TUBGCP3: variants seen among roughly 807,000 people sequenced by gnomAD.
TUBGCP3 encodes the protein gamma-tubulin complex component 3.
TUBGCP3 carries 50 observed loss-of-function variants against 123.1 expected under a neutral mutation model. The ratio of observed to expected loss-of-function variants is 0.41; its 90% confidence interval spans 0.32 to 0.51. TUBGCP3 has a LOEUF of 0.51. TUBGCP3 is among the 20% of genes least tolerant of loss of function. The pLI, the probability that TUBGCP3 is intolerant of heterozygous loss-of-function variation, is 0.36. For synonymous variants in TUBGCP3, 405 were observed against 413.9 expected (o/e 0.98, Z 0.26); for missense variants, 882 against 1,127.0 (o/e 0.78, Z 3.11).
Position 112,499,090 on chromosome 13 carries a change from C to G in TUBGCP3, c.2403G>C (p.Gln801His). ...AIYRAALEEL[Q>H]RRLQFEEKKK... ...TTTTCTCTTCAAACTGTAATCGTCT[C>G]TGCAATTCTTCCAGAGCAGCTCTGT... Residue 801 changes from glutamine to histidine, a missense_variant, in exon 20 of 22, where the codon CAG becomes CAC. Coordinates refer to ENST00000261965, the MANE Select transcript of TUBGCP3 (RefSeq NM_006322.6). 1 of 1,614,158 alleles carries G rather than the reference C, an allele frequency of 6.2e-7. No individual in the cohort carries two copies. Among genetic ancestry groups the G allele is most frequent in the Non-Finnish European group, 8.5e-7 (1 of 1,180,038 alleles).
At chr13:112,560,784 C>T (rs1428670068) in intron 3 of TUBGCP3, among the ~76,000 whole-genome samples, 2 of 152,190 alleles carry the variant, frequency 1.3e-5, no homozygotes, top group Non-Finnish European at 1.5e-5. Context: ...TTTTCAGAAA[C>T]TCAACTAATC....
rs759509703 is a variant in TUBGCP3, at chr13:112,587,996, T to G, written c.-16A>C. The G allele has an allele frequency of 6.6e-7, 1 of 1,526,202 alleles. No homozygotes were observed. The highest frequency in any genetic ancestry group is 2.0e-5 in the Admixed American group (1 of 50,500). 94.5% of individuals were successfully genotyped at this position (1,526,202 alleles called of 1,614,324 possible). A position where few individuals can be genotyped will look rare whatever the true frequency, so the allele number is the denominator to read the frequency against. On this transcript the variant is annotated 5_prime_UTR_variant, in exon 1 of 22. Coordinates refer to ENST00000261965, the MANE Select transcript of TUBGCP3 (RefSeq NM_006322.6). ...GGGTCGCCATCCTCGCCCGGAGCCG[T>G]GCACGGTGGTCCGGGCAGAGCCGCC...
chr13:112,506,367 A>C (rs1468187128), intron 17 of TUBGCP3, among the ~76,000 whole-genome samples: 1 of 152,224 alleles, frequency 6.6e-6, no homozygotes, highest in Non-Finnish European at 1.5e-5. Context: ...GATGTATCAG[A>C]GGCATATCTA....
chr13:112,603,962 T>C, the TUBGCP3 span: 1 of 152,246 alleles, frequency 6.6e-6, no homozygotes, highest in Non-Finnish European at 1.5e-5. Flanking sequence ...TTAACTCTCC[T>C]ATTCTAGAAG....
At chr13:112,495,516 A>G (rs1031256141) in intron 20 of TUBGCP3, among the ~76,000 whole-genome samples, 3 of 152,248 alleles carry the variant, frequency 2.0e-5, no homozygotes, top group Admixed American at 2.0e-4. Context: ...AGATGATCAT[A>G]TAATTTTTCC....
At chr13:112,547,577 T>G in intron 10 of TUBGCP3, 43 bp downstream of exon 10, 1 of 1,006,966 alleles carries the variant, frequency 9.9e-7, no homozygotes, top group Non-Finnish European at 1.3e-6. Context: ...CGTGGGAAAG[T>G]CGCGCGTGGG....
chr13:112,535,474 GT>G (rs995167605), intron 11 of TUBGCP3, among the ~76,000 whole-genome samples: 1 of 152,102 alleles, frequency 6.6e-6, no homozygotes, highest in African/African-American at 2.4e-5. Flanking sequence ...CTGCTGGTTT[GT>G]TTTTGTTAAC....
intron 1 of TUBGCP3, among the ~76,000 whole-genome samples, chr13:112,581,155 C>A (rs1407124720): frequency 6.6e-6 from 1 of 152,112 alleles, no homozygotes; most frequent in Non-Finnish European, 1.5e-5. Context: ...AGCTCGGCAC[C>A]CAGCTCTCTC....
intron 20 of TUBGCP3, among the ~76,000 whole-genome samples, chr13:112,495,402 C>T (rs1880469999): frequency 6.6e-6 from 1 of 152,174 alleles, no homozygotes; most frequent in Non-Finnish European, 1.5e-5. Flanking sequence ...CAGGGATGTG[C>T]TTCCAATATT....
intron 12 of TUBGCP3, 149 bp from the exon 13 acceptor site, chr13:112,527,199 G>T: frequency 1.3e-6 from 1 of 792,664 alleles, no homozygotes; most frequent in Non-Finnish European, 2.0e-6. Context: ...GTAACTCAAA[G>T]ATATATTGAA....
chr13:112,576,322 G>A (rs112569916), intron 1 of TUBGCP3, among the ~76,000 whole-genome samples: 459 of 152,142 alleles, frequency 3.0e-3, no homozygotes, highest in African/African-American at 0.01. Flanking sequence ...CACTTTCAAG[G>A]GGTTGCAGTA....
chr13:112,556,098 A>G lies in TUBGCP3; in HGVS notation c.675T>C (p.Ala225=). The stretch of plus-strand genomic sequence containing the variant: ...TGGACCTTGTCATGTTGCGAGACAC[A>G]GCACTGGGGACACCTTTTGAGGTAG... ...QATTSKGVPS[A]VSRNMTRSRR... The change falls in exon 6 of 22, where the codon GCT becomes GCC. Residue 225 remains alanine (A), a synonymous_variant. Transcript: ENST00000261965. 2 of 1,614,128 alleles carry G rather than the reference A, an allele frequency of 1.2e-6. No homozygotes were observed. The highest frequency in any genetic ancestry group is 2.2e-5 in the East Asian group (1 of 44,886).
intron 7 of TUBGCP3, 42 bp downstream of exon 7, chr13:112,554,845 T>C (rs764350312): frequency 2.1e-6 from 3 of 1,436,966 alleles, no homozygotes; most frequent in Non-Finnish European, 2.9e-6. Context: ...TGACATGTTT[T>C]TTCTTTCTGA....
Position 112,565,167 on chromosome 13 carries a change from G to A in TUBGCP3, c.196C>T (p.Arg66Ter), listed in dbSNP as rs769171258. ...EKIKKELIRQ[R>*]READAALFSE... ...AATAATGCAGCATCTGCTTCTCTTC[G>A]TTGTCGAATAACTGAAAAGACAGAA... The change falls in exon 3 of 22, where the codon CGA becomes TGA. Residue 66 changes from arginine (R) to a stop codon, truncating the protein, a stop_gained. Coordinates refer to ENST00000261965, the MANE Select transcript of TUBGCP3 (RefSeq NM_006322.6). LOFTEE classifies it high-confidence loss of function. 16 of 1,612,816 alleles carry A rather than the reference G, an allele frequency of 9.9e-6. No individual in the cohort carries two copies. The highest frequency in any genetic ancestry group is 4.4e-5 in the South Asian group (4 of 91,018).
chr13:112,585,596 A>AC (rs1359996411), intron 1 of TUBGCP3, among the ~76,000 whole-genome samples: 2 of 151,986 alleles, frequency 1.3e-5, no homozygotes, highest in African/African-American at 4.8e-5. Flanking sequence ...ACATGGTGAA[A>AC]CCCCATCTCT....
Position 112,522,422 on chromosome 13 carries a change from A to G in TUBGCP3, c.1643T>C (p.Val548Ala). The G allele has an allele frequency of 6.2e-7, 1 of 1,614,200 alleles. No individual in the cohort carries two copies. The highest frequency in any genetic ancestry group is 1.6e-4 in the Middle Eastern group (1 of 6,062). Reference protein sequence around the residue: ...YFETSKYLLDVLNKKYSLLDH... With the variant: ...YFETSKYLLDALNKKYSLLDH... ...CAGCAAGCTGTACTTTTTATTGAGA[A>G]CATCCAACAGGTATTTGCTGGTCTC... The change falls in exon 14 of 22, where the codon GTT (valine) becomes GCT (alanine). Residue 548 changes from valine (V) to alanine (A), a missense_variant. Physicochemically the swap from Val to Ala is moderately conservative, Grantham distance 64. Transcript: ENST00000261965.
chr13:112,586,540 G>C (rs1882621141), intron 1 of TUBGCP3, among the ~76,000 whole-genome samples: 1 of 152,160 alleles, frequency 6.6e-6, no homozygotes, highest in African/African-American at 2.4e-5. Flanking sequence ...CTTTCCACTG[G>C]TTCTCTCTAC....
At chr13:112,527,127 T>C (rs933389626) in intron 12 of TUBGCP3, 77 bp from the exon 13 acceptor site, 4 of 1,273,656 alleles carry the variant, frequency 3.1e-6, no homozygotes, top group Non-Finnish European at 4.5e-6. Context: ...ATTCGTAAGC[T>C]ACAAATTGGC....
chr13:112,583,073 G>A (rs1407388993), intron 1 of TUBGCP3, among the ~76,000 whole-genome samples: 3 of 152,144 alleles, frequency 2.0e-5, no homozygotes, highest in South Asian at 4.1e-4. Flanking sequence ...CCTTGGCCCC[G>A]CAATTTACTA....
Sources: gnomAD v4.1 joint callset for allele counts (sites outside exome capture counted in the v4.1 genomes callset) on GRCh38, gnomAD v4.1.1 for gene constraint, MANE v1.5 for transcripts, NCBI Gene and HGNC (gene_info 2026-07-23, HGNC 2026-07-21) for gene names.